The following CSMD1 variants were observed in gnomAD, a reference collection of about 807,000 sequenced individuals.
CSMD1 encodes the protein CUB and sushi domain-containing protein 1.
CSMD1 carries 213 observed loss-of-function variants against 417.5 expected under a neutral mutation model. The observed-to-expected ratio is 0.51, with a 90% confidence interval of 0.46 to 0.57. The LOEUF (loss-of-function observed/expected upper bound fraction) is 0.57, where lower values mean the gene tolerates loss of function less well. Ranked by LOEUF, CSMD1 falls within the 20% of genes least tolerant of loss-of-function variation. CSMD1 has a pLI of 0.00. For synonymous variants in CSMD1, 2,862 were observed against 1,736.8 expected (o/e 1.65, Z -16.11); for missense variants, 6,923 against 4,529.7 (o/e 1.53, Z -15.17).
intron 12 of CSMD1, among the ~76,000 whole-genome samples, chr8:3,435,060 G>A (rs967051264): frequency 6.6e-6 from 1 of 152,040 alleles, no homozygotes; most frequent in African/African-American, 2.4e-5. Flanking sequence ...GAAGCCCCTG[G>A]TGGGAGCTGC....
intron 4 of CSMD1, among the ~76,000 whole-genome samples, chr8:4,009,273 A>G (rs1816369153): frequency 1.3e-5 from 2 of 152,230 alleles, no homozygotes; most frequent in South Asian, 4.1e-4. Flanking sequence ...TTTTTAAAAA[A>G]GTGTATTTCT....
chr8:3,477,302 A>G (rs4993698), intron 11 of CSMD1, among the ~76,000 whole-genome samples: 95,629 of 150,892 alleles, frequency 0.63, 31,513 homozygotes, highest in Middle Eastern at 0.76. Flanking sequence ...TGAAAATTTG[A>G]CAATGGAAAC....
rs561282255 is a variant in CSMD1 at position 4,320,690 on chromosome 8, T to C, written c.415+99263A>G. Among the ~76,000 whole-genome samples, 8 of 152,288 alleles carry C rather than the reference T, an allele frequency of 5.3e-5. No homozygotes were observed. The East Asian group carries it at 1.5e-3, about 29-fold the overall frequency. The stretch of plus-strand genomic sequence containing the variant: ...ATGTCCTGCAAAGGACATGAACTCA[T>C]CCTTTTTTATGGCTGCATAGTATTC... On this transcript the variant is annotated intron_variant, in intron 3 of 69. Coordinates refer to ENST00000635120, the MANE Select transcript of CSMD1 (RefSeq NM_033225.6).
At chr8:4,249,793 A>G (rs991380239) in intron 3 of CSMD1, among the ~76,000 whole-genome samples, 1 of 152,122 alleles carries the variant, frequency 6.6e-6, no homozygotes, top group Non-Finnish European at 1.5e-5. Flanking sequence ...GAAATGAAGA[A>G]CACAGTGTCA....
At chr8:3,702,635 A>T (rs1181140470) in intron 7 of CSMD1, among the ~76,000 whole-genome samples, 1 of 152,232 alleles carries the variant, frequency 6.6e-6, no homozygotes, top group African/African-American at 2.4e-5. Flanking sequence ...ATTCAAGATC[A>T]GCTTTTCCAA....
At chr8:3,258,599 C>T (rs924201191) in intron 26 of CSMD1, among the ~76,000 whole-genome samples, 1 of 152,086 alleles carries the variant, frequency 6.6e-6, no homozygotes, top group Non-Finnish European at 1.5e-5. Context: ...TGGGTATATG[C>T]CCAAGGGAAT....
At chr8:4,721,697 C>T (rs1809064043) in intron 1 of CSMD1, among the ~76,000 whole-genome samples, 2 of 152,098 alleles carry the variant, frequency 1.3e-5, no homozygotes, top group Admixed American at 6.6e-5. Context: ...CAGCAATCCC[C>T]CTGTTGTATC....
chr8:3,149,855 AG>A (rs920793431), intron 40 of CSMD1, among the ~76,000 whole-genome samples: 8 of 152,220 alleles, frequency 5.3e-5, no homozygotes, highest in African/African-American at 1.9e-4. Context: ...CACCTCCTTC[AG>A]GGATAGCTGC....
At position 3,675,365 on chromosome 8, in the gene CSMD1, G is replaced by C. The variant is rs1016069264; in HGVS notation, c.1009+33049C>G. Among the ~76,000 whole-genome samples, 5 of 152,166 alleles carry C rather than the reference G, an allele frequency of 3.3e-5. 1 individual carries two copies. Among genetic ancestry groups the C allele is most frequent in the African/African-American group, 1.2e-4 (5 of 41,444 alleles). ...CTATCCATGTAGCCTCCATAGTAAG[G>C]CCTCAGCAATGTGGGCTTGGATATG... On this transcript the variant is annotated intron_variant, in intron 7 of 69. Transcript: ENST00000635120.
chr8:3,392,838 A>T (rs1811430585), intron 17 of CSMD1, among the ~76,000 whole-genome samples: 1 of 151,910 alleles, frequency 6.6e-6, no homozygotes, highest in African/African-American at 2.4e-5. Flanking sequence ...CTCTGAAAGC[A>T]CTCATATCTC....
chr8:3,489,471 G>A (rs924441159), intron 11 of CSMD1, among the ~76,000 whole-genome samples: 5 of 152,188 alleles, frequency 3.3e-5, no homozygotes, highest in African/African-American at 1.2e-4. Context: ...AGGGAATCCA[G>A]GGAAGGCCAT....
intron 5 of CSMD1, among the ~76,000 whole-genome samples, chr8:3,838,472 T>C (rs1442338085): frequency 1.4e-5 from 2 of 140,812 alleles, no homozygotes; most frequent in Non-Finnish European, 1.5e-5. Flanking sequence ...CTATATTATA[T>C]TATATATAGC....
intron 3 of CSMD1, among the ~76,000 whole-genome samples, chr8:4,312,675 G>C (rs1798696339): frequency 6.6e-6 from 1 of 151,764 alleles, no homozygotes; most frequent in Non-Finnish European, 1.5e-5. Context: ...TCAGGAGTTT[G>C]AGACCAGCCT....
At chr8:3,189,335 C>G (rs1205168235) in intron 34 of CSMD1, among the ~76,000 whole-genome samples, 1 of 152,152 alleles carries the variant, frequency 6.6e-6, no homozygotes. Context: ...AATTTAAGGA[C>G]CTTGGCAGAG....
chr8:3,831,293 G>A (rs192874259), intron 5 of CSMD1, among the ~76,000 whole-genome samples: 11 of 152,208 alleles, frequency 7.2e-5, no homozygotes, highest in Non-Finnish European at 1.6e-4. Context: ...AGCTGCCCTG[G>A]GGAGCTGTGG....
intron 3 of CSMD1, among the ~76,000 whole-genome samples, chr8:4,176,351 T>G (rs1159928769): frequency 6.6e-6 from 1 of 152,116 alleles, no homozygotes; most frequent in Non-Finnish European, 1.5e-5. Context: ...TGAAAATAAA[T>G]TAGTATGACA....
At chr8:4,468,811 T>C (rs745598129) in intron 2 of CSMD1, among the ~76,000 whole-genome samples, 1 of 152,160 alleles carries the variant, frequency 6.6e-6, no homozygotes, top group Non-Finnish European at 1.5e-5. Context: ...TCAATAATTA[T>C]TGTATTGAAT....
At chr8:4,701,815 A>G (rs1807575989) in intron 1 of CSMD1, among the ~76,000 whole-genome samples, 1 of 152,158 alleles carries the variant, frequency 6.6e-6, no homozygotes, top group Non-Finnish European at 1.5e-5. Flanking sequence ...ATAATCTCAT[A>G]TTTACTCTGG....
chr8:4,317,623 G>C (rs1241594233), intron 3 of CSMD1, among the ~76,000 whole-genome samples: 2 of 82,822 alleles, frequency 2.4e-5, no homozygotes, highest in Non-Finnish European at 5.2e-5. Context: ...GAGAAAGAGA[G>C]AGAGAGAGAG....
Sources: gnomAD v4.1 joint callset for allele counts (sites outside exome capture counted in the v4.1 genomes callset) on GRCh38, gnomAD v4.1.1 for gene constraint, MANE v1.5 for transcripts, NCBI Gene and HGNC (gene_info 2026-07-23, HGNC 2026-07-21) for gene names.